TRMT2A: variants seen among roughly 807,000 people sequenced by gnomAD.
The protein encoded by TRMT2A is tRNA methyltransferase 2A.
In TRMT2A, 60 loss-of-function variants were observed where a neutral mutation model predicts 59.3. The ratio of observed to expected loss-of-function variants is 1.01; its 90% CI spans 0.82 to 1.26. The LOEUF is 1.26. TRMT2A is among the 50% of genes most tolerant of loss of function. TRMT2A has a pLI of 0.00. For synonymous variants in TRMT2A, 403 were observed against 353.7 expected (o/e 1.14, Z -1.56); for missense variants, 863 against 845.2 (o/e 1.02, Z -0.26).
intron 9 of TRMT2A, 30 bp downstream of exon 9, chr22:20,113,402 C>T (rs1270835552): frequency 1.4e-6 from 2 of 1,402,238 alleles, no homozygotes; most frequent in Non-Finnish European, 2.0e-6. Context: ...TGCCCCCATC[C>T]CCACCCCCAC....
Position 20,112,678 on chromosome 22 carries a change from C to G in TRMT2A, c.1763G>C (p.Arg588Thr), listed in dbSNP as rs753466337. 3.7e-6 allele frequency: 6 copies of G among 1,614,092 alleles called. No individual in the cohort carries two copies. The highest frequency in any genetic ancestry group is 5.1e-6 in the Non-Finnish European group (6 of 1,180,022). The part of the protein sequence containing the change: ...PHCEMLILFE[R>T]VEHPNGTGVL... ...CCCTGTGCCATTGGGGTGCTCCACC[C>G]TCTCAAACAGGATGAGCATCTCACA... Residue 588 changes from arginine to threonine, a missense_variant, in exon 12 of 12, where the codon AGG (arginine) becomes ACG (threonine). Transcript: ENST00000252136.
At position 20,112,957 on chromosome 22, in the gene TRMT2A, G is replaced by C. The variant is rs568021184; in HGVS notation, c.1600C>G (p.Leu534Val). 1.2e-6 allele frequency: 2 copies of C among 1,613,692 alleles called. No individual in the cohort carries two copies. Residue 534 changes from leucine to valine, a missense_variant, in exon 11 of 12, where the codon CTG becomes GTG. Physicochemically the swap from Leu to Val is conservative, Grantham distance 32. Coordinates refer to ENST00000252136, the MANE Select transcript of TRMT2A (RefSeq NM_022727.6). ...GCCCGGGGGTTGCATGAGACGTACA[G>C]CAGCCGCCTGAGGTTCTTAGCTCTC... is the stretch of plus-strand genomic sequence containing the variant. Reference protein sequence around the residue: ...IRRAKNLRRLLYVSCNPRAAM... With the variant: ...IRRAKNLRRLVYVSCNPRAAM...
rs555950843 is a variant in TRMT2A, at chr22:20,113,124, C to T, written c.1543G>A (p.Gly515Ser). The change falls in exon 10 of 12, where the codon GGC (glycine) becomes AGC (serine). Residue 515 changes from glycine to serine, a missense_variant. Gly to Ser is a moderately conservative substitution (Grantham distance 56). Transcript: ENST00000252136. ...LVAILDPPRA[G>S]LHSKVILAIR... ...TTAAGCAAAAGCCACTCACGCAAGC[C>T]AGCACGGGGTGGGTCCAGGATGGCC... The T allele has an allele frequency of 6.2e-7, 1 of 1,604,516 alleles. No homozygotes were observed. The highest frequency in any genetic ancestry group is 1.7e-5 in the Admixed American group (1 of 59,664).
Position 20,112,646 on chromosome 22 carries a change from C to G in TRMT2A, c.1795G>C (p.Gly599Arg). ...GGTTGAGCTGGAGGGCTGTGGGGCC[C>G]CAAGACCCCTGTGCCATTGGGGTGC... is the stretch of plus-strand genomic sequence containing the variant. The part of the protein sequence containing the change: ...VEHPNGTGVL[G>R]PHSPPAQPTP... The change falls in exon 12 of 12, where the codon GGG becomes CGG. Residue 599 changes from glycine (G) to arginine (R), a missense_variant. By Grantham distance (125) the Gly-to-Arg change is moderately radical. Transcript: ENST00000252136. The G allele has an allele frequency of 6.2e-7, 1 of 1,614,066 alleles. No individual in the cohort carries two copies. Among genetic ancestry groups the G allele is most frequent in the African/African-American group, 1.3e-5 (1 of 75,030 alleles).
Position 20,117,023 on chromosome 22 carries a change from G to C in TRMT2A, c.-117C>G. 1 of 1,362,282 alleles carries C rather than the reference G, an allele frequency of 7.3e-7. No homozygotes were observed. Among genetic ancestry groups the C allele is most frequent in the Non-Finnish European group, 1.0e-6 (1 of 988,968 alleles). 84.4% of individuals were successfully genotyped at this position (1,362,282 alleles called of 1,614,324 possible). On this transcript the variant is annotated 5_prime_UTR_variant, in exon 1 of 12. Transcript: ENST00000252136. Reference sequence around the variant, plus strand: ...CAAGGGAAGTGCTCAGAGGGGAGGTGCTCACAGAGCCGGTGCAACGCCGCG... The same window carrying C: ...CAAGGGAAGTGCTCAGAGGGGAGGTCCTCACAGAGCCGGTGCAACGCCGCG...
Position 20,113,819 on chromosome 22 carries a change from G to A in TRMT2A, c.1234-11C>T. On this transcript the variant is annotated splice_polypyrimidine_tract_variant and intron_variant, in intron 7 of 11. Coordinates refer to ENST00000252136, the MANE Select transcript of TRMT2A (RefSeq NM_022727.6). ...TGCGGGTGTGTTCACCTGGGGGCAGGCGGTGCCCAGGATGTCAGTGGCTCC... is the reference window on the plus strand; with the variant it reads ...TGCGGGTGTGTTCACCTGGGGGCAGACGGTGCCCAGGATGTCAGTGGCTCC... 1 of 1,547,236 alleles carries A rather than the reference G, an allele frequency of 6.5e-7. No homozygotes were observed. The highest frequency in any genetic ancestry group is 8.7e-7 in the Non-Finnish European group (1 of 1,144,560).
At position 20,112,384 on chromosome 22, in the gene TRMT2A, C is replaced by T; in HGVS notation, c.*179G>A. The T allele has an allele frequency of 1.3e-6, 1 of 783,702 alleles. No homozygotes were observed. The highest frequency in any genetic ancestry group is 2.0e-6 in the Non-Finnish European group (1 of 497,314). 48.5% of individuals were successfully genotyped at this position (783,702 alleles called of 1,614,324 possible). On this transcript the variant is annotated 3_prime_UTR_variant, in exon 12 of 12. Transcript: ENST00000252136. Reference sequence around the variant, plus strand: ...GGGGATGGGCAACAGGCTACAGGAACCCACCTGTCTTCCTGGTCAGGGCCC... The same window carrying T: ...GGGGATGGGCAACAGGCTACAGGAATCCACCTGTCTTCCTGGTCAGGGCCC...
In TRMT2A at chr22:20,116,445, C is replaced by A. The variant is rs765899970; in HGVS notation, c.192G>T (p.Arg64Ser). ...AGATCTCAGAGGTAAACAAGTCATC[C>A]CTGATGTAGCTGTAGAGCCCGGGCT... ...GPQPGLYSYI[R>S]DDLFTSEIFK... Residue 64 changes from arginine to serine, a missense_variant, in exon 2 of 12, where the codon AGG (arginine) becomes AGT (serine). Arg to Ser is a moderately radical substitution (Grantham distance 110). Transcript: ENST00000252136. 10 of 1,612,826 alleles carry A rather than the reference C, an allele frequency of 6.2e-6. No homozygotes were observed. In the South Asian group the frequency reaches 7.7e-5, roughly 12 times the overall value.
In TRMT2A at chr22:20,115,740, G is replaced by A; in HGVS notation, c.640C>T (p.Leu214Phe). The A allele has an allele frequency of 6.2e-7, 1 of 1,612,354 alleles. No homozygotes were observed. The highest frequency in any genetic ancestry group is 8.5e-7 in the Non-Finnish European group (1 of 1,179,490). ...TTGTTGTGCTTGTGCCTCTGCTCGA[G>A]CAGCCAGGGCAGCAAGGCACGGTTG... is the stretch of plus-strand genomic sequence containing the variant. ...STNRALLPWL[L>F]EQRHKHNKAC... The change falls in exon 3 of 12, where the codon CTC becomes TTC. Residue 214 changes from leucine (L) to phenylalanine (F), a missense_variant. By Grantham distance (22) the Leu-to-Phe change is conservative. Coordinates refer to ENST00000252136, the MANE Select transcript of TRMT2A (RefSeq NM_022727.6).
In TRMT2A at chr22:20,116,534, C is replaced by A. The variant is rs1602524431; in HGVS notation, c.103G>T (p.Ala35Ser). The A allele has an allele frequency of 6.2e-7, 1 of 1,603,230 alleles. No homozygotes were observed. The highest frequency in any genetic ancestry group is 8.5e-7 in the Non-Finnish European group (1 of 1,176,680). ...SCPTVSVPPA[A>S]PAALEEVEKE... ...TCCACCTCCTCCAGGGCTGCCGGGGCTGCAGGGGGCACCGAGACGGTAGGG... is the reference window on the plus strand; with the variant it reads ...TCCACCTCCTCCAGGGCTGCCGGGGATGCAGGGGGCACCGAGACGGTAGGG... The change falls in exon 2 of 12, where the codon GCC (alanine) becomes TCC (serine). Residue 35 changes from alanine to serine, a missense_variant. By Grantham distance (99) the Ala-to-Ser change is moderately conservative. Coordinates refer to ENST00000252136, the MANE Select transcript of TRMT2A (RefSeq NM_022727.6).
chr22:20,113,835 C>T (rs1431022974), intron 7 of TRMT2A, 27 bp from the exon 8 acceptor site: 4 of 1,533,892 alleles, frequency 2.6e-6, no homozygotes, highest in Non-Finnish European at 3.5e-6. Context: ...CCCAGGATGT[C>T]AGTGGCTCCT....
At chr22:20,116,851 C>T (rs1177773632) in intron 1 of TRMT2A, 32 bp downstream of exon 1, 1 of 1,599,422 alleles carries the variant, frequency 6.3e-7, no homozygotes, top group Non-Finnish European at 8.5e-7. Flanking sequence ...CACCCCATCC[C>T]CGTCTCTACC....
At position 20,116,180 on chromosome 22, in the gene TRMT2A, T is replaced by C; in HGVS notation, c.457A>G (p.Arg153Gly). The C allele has an allele frequency of 6.2e-7, 1 of 1,613,060 alleles. No homozygotes were observed. The change falls in exon 2 of 12, where the codon AGG becomes GGG. Residue 153 changes from arginine to glycine, a missense_variant. By Grantham distance (125) the Arg-to-Gly change is moderately radical. Transcript: ENST00000252136. ...LARPKADPMARRRRQEGESEP... is the reference protein window; with the variant it reads ...LARPKADPMAGRRRQEGESEP... Reference sequence around the variant, plus strand: ...CTCTCACCCTCCTGTCGCCTCCTCCTGGCCATGGGGTCGGCCTTGGGCCGG... The same window carrying C: ...CTCTCACCCTCCTGTCGCCTCCTCCCGGCCATGGGGTCGGCCTTGGGCCGG...
In TRMT2A at chr22:20,112,527, GCCCTTCAGCTCCTGTC is replaced by G; in HGVS notation, c.*20_*35del. The G allele has an allele frequency of 6.3e-7, 1 of 1,593,218 alleles. No homozygotes were observed. Among genetic ancestry groups the G allele is most frequent in the East Asian group, 2.3e-5 (1 of 44,380 alleles). ...CTTCCCCGCCCCTGGGGCCCTGGGA[GCCCTTCAGCTCCTGTC>G]CCCATAATGGGTCCTGGGCCTAGGA... is the stretch of plus-strand genomic sequence containing the variant. On this transcript the variant is annotated 3_prime_UTR_variant, in exon 12 of 12. Coordinates refer to ENST00000252136, the MANE Select transcript of TRMT2A (RefSeq NM_022727.6).
intron 11 of TRMT2A, 50 bp from the exon 12 acceptor site, chr22:20,112,844 G>T: frequency 6.2e-7 from 1 of 1,612,504 alleles, no homozygotes; most frequent in Non-Finnish European, 8.5e-7. Context: ...GCTAATCAGG[G>T]GCTCCTGTGG....
rs1372114112 is a variant in TRMT2A, at chr22:20,113,175, TCACCAGGGTGGG to T, written c.1480_1491del (p.Pro494_Val497del). The stretch of plus-strand genomic sequence containing the variant: ...ACGAGGTGCTGGGAGGCCAGTCTGC[TCACCAGGGTGGG>T]CACCAGGTCCTCGGCCCTCCCGCAG... On this transcript the variant is annotated inframe_deletion, in exon 10 of 12. Coordinates refer to ENST00000252136, the MANE Select transcript of TRMT2A (RefSeq NM_022727.6). The T allele has an allele frequency of 1.9e-6, 3 of 1,596,476 alleles. No individual in the cohort carries two copies. The highest frequency in any genetic ancestry group is 2.6e-6 in the Non-Finnish European group (3 of 1,170,438).
At chr22:20,116,001 G>A (rs758993752) in intron 2 of TRMT2A, 37 bp downstream of exon 2, 28 of 1,525,306 alleles carry the variant, frequency 1.8e-5, no homozygotes, top group Admixed American at 6.1e-5. Context: ...GCCGGGCAGA[G>A]CCCTGGCCAA....
chr22:20,115,778 T>C lies in TRMT2A; in HGVS notation c.602A>G (p.Glu201Gly). The change falls in exon 3 of 12, where the codon GAA becomes GGA. Residue 201 changes from glutamate (E) to glycine (G), a missense_variant and splice_region_variant. Glu to Gly is a moderately conservative substitution (Grantham distance 98). Transcript: ENST00000252136. ...CAAGGCACGGTTGGTGCTCCCGATT[T>C]CCCTGTAAGAGGAGCAGATCGGTGG... ...CEQVLQKLAK[E>G]IGSTNRALLP... The C allele has an allele frequency of 2.5e-6, 4 of 1,605,670 alleles. No homozygotes were observed. Among genetic ancestry groups the C allele is most frequent in the Non-Finnish European group, 2.6e-6 (3 of 1,174,098 alleles).
chr22:20,115,006 G>A lies in TRMT2A; in HGVS notation c.964C>T (p.Arg322Cys), dbSNP rs559001105. The A allele has an allele frequency of 6.4e-5, 103 of 1,598,416 alleles. No homozygotes were observed. The highest frequency in any genetic ancestry group is 5.0e-4 in the South Asian group (44 of 88,420). Residue 322 changes from arginine to cysteine, a missense_variant, in exon 5 of 12, where the codon CGC (arginine) becomes TGC (cysteine). Transcript: ENST00000252136. Reference protein sequence around the residue: ...HWKQLTVRTSRRHQAMAIAYF... With the variant: ...HWKQLTVRTSCRHQAMAIAYF... ...GCAATGGCCATGGCCTGGTGGCGGC[G>A]GCTGGTGCGCACAGTCAGCTGCTTC...
Sources: allele counts gnomAD v4.1 joint callset, GRCh38; gene constraint gnomAD v4.1.1; transcripts MANE v1.5; gene names NCBI Gene and HGNC (gene_info 2026-07-23, HGNC 2026-07-21).